The following PPP2R2B variants were observed in gnomAD, a reference collection of about 807,000 sequenced individuals.
The protein encoded by PPP2R2B is serine/threonine-protein phosphatase 2A 55 kDa regulatory subunit B beta isoform.
PPP2R2B carries 5 observed loss-of-function variants against 46.0 expected under a neutral mutation model. The ratio of observed to expected loss-of-function variants is 0.11; its 90% CI spans 0.06 to 0.23. The LOEUF (loss-of-function observed/expected upper bound fraction) is 0.23, where lower values mean the gene tolerates loss of function less well. Among genes scored for constraint, PPP2R2B ranks in the 10% least tolerant of loss-of-function variants. PPP2R2B has a pLI of 1.00. For synonymous variants in PPP2R2B, 215 were observed against 206.7 expected (o/e 1.04, Z -0.34); for missense variants, 367 against 575.0 (o/e 0.64, Z 3.70).
chr5:147,041,517 A>G (rs1304181347), intron 1 of PPP2R2B, among the ~76,000 whole-genome samples: 2 of 152,060 alleles, frequency 1.3e-5, no homozygotes, highest in Non-Finnish European at 2.9e-5. Flanking sequence ...TGAACTAGAC[A>G]TGGAAGGAGG....
At chr5:146,693,481 C>T (rs1779001321) in intron 4 of PPP2R2B, among the ~76,000 whole-genome samples, 1 of 152,172 alleles carries the variant, frequency 6.6e-6, no homozygotes, top group Admixed American at 6.5e-5. Flanking sequence ...TCCCAAAGTG[C>T]TGGGATTACA....
chr5:146,720,312 C>G (rs1294975937), intron 2 of PPP2R2B, among the ~76,000 whole-genome samples: 1 of 152,200 alleles, frequency 6.6e-6, no homozygotes, highest in African/African-American at 2.4e-5. Context: ...GCTGGCCTAA[C>G]CAGTAAGCTG....
chr5:146,860,777 T>G (rs1358998017), intron 2 of PPP2R2B, among the ~76,000 whole-genome samples: 1 of 152,154 alleles, frequency 6.6e-6, no homozygotes, highest in Admixed American at 6.5e-5. Flanking sequence ...TTAGATGAGT[T>G]TTCCATCATT....
chr5:147,051,568 C>T (rs776886657), intron 1 of PPP2R2B, among the ~76,000 whole-genome samples: 18 of 151,954 alleles, frequency 1.2e-4, no homozygotes, highest in South Asian at 2.1e-4. Flanking sequence ...AAGACAATTT[C>T]GGGAAAGGAA....
chr5:146,635,362 A>G (rs1425020995), intron 7 of PPP2R2B, among the ~76,000 whole-genome samples: 6 of 147,554 alleles, frequency 4.1e-5, no homozygotes, highest in African/African-American at 1.5e-4. Flanking sequence ...TTGTGTGTTT[A>G]TTTCATCATC....
intron 7 of PPP2R2B, among the ~76,000 whole-genome samples, chr5:146,608,924 CCTT>C (rs1772569880): frequency 6.6e-6 from 1 of 152,162 alleles, no homozygotes; most frequent in Admixed American, 6.5e-5. Flanking sequence ...CTTCCAAACT[CCTT>C]CTATGAGGCC....
intron 1 of PPP2R2B, among the ~76,000 whole-genome samples, chr5:147,041,767 C>T (rs180841962): frequency 1.3e-5 from 2 of 152,076 alleles, no homozygotes; most frequent in African/African-American, 4.8e-5. Flanking sequence ...ATTTGTTTAA[C>T]CCTTTTCTAC....
intron 1 of PPP2R2B, among the ~76,000 whole-genome samples, chr5:146,888,324 AC>A (rs1360372093): frequency 2.0e-5 from 3 of 151,556 alleles, no homozygotes; most frequent in Non-Finnish European, 2.9e-5. Context: ...ACCCTGCCCC[AC>A]CCTCCTGTTC....
chr5:146,906,761 G>C (rs496192), intron 1 of PPP2R2B, among the ~76,000 whole-genome samples: 31,933 of 151,922 alleles, frequency 0.21, 4,416 homozygotes, highest in African/African-American at 0.38. Context: ...TATGTACCTG[G>C]CTCACCTTAT....
chr5:146,775,967 A>G (rs906296124), intron 2 of PPP2R2B, among the ~76,000 whole-genome samples: 1 of 152,174 alleles, frequency 6.6e-6, no homozygotes, highest in Non-Finnish European at 1.5e-5. Context: ...CATTGCTTAA[A>G]GAAATGCAAG....
chr5:147,006,057 G>A (rs1051628904), intron 1 of PPP2R2B, among the ~76,000 whole-genome samples: 4 of 152,104 alleles, frequency 2.6e-5, no homozygotes, highest in African/African-American at 9.7e-5. Context: ...CTAACAGGGG[G>A]ATCTAAATCT....
At chr5:147,060,039 A>G (rs1351044694), upstream of PPP2R2B, among the ~76,000 whole-genome samples, 2 of 151,498 alleles carry the variant, frequency 1.3e-5, no homozygotes, top group African/African-American at 2.4e-5. Context: ...AAATCCCAGG[A>G]AAAAAAAATT....
chr5:146,860,341 C>G (rs902256422), intron 2 of PPP2R2B, among the ~76,000 whole-genome samples: 2 of 152,130 alleles, frequency 1.3e-5, no homozygotes, highest in African/African-American at 4.8e-5. Flanking sequence ...GGCTCTAGAC[C>G]ATCTTACCCA....
intron 1 of PPP2R2B, among the ~76,000 whole-genome samples, chr5:147,042,451 T>G (rs1205086141): frequency 6.6e-6 from 1 of 152,170 alleles, no homozygotes; most frequent in Non-Finnish European, 1.5e-5. Context: ...GATTTTTGGT[T>G]ACTGAGTACA....
intron 2 of PPP2R2B, among the ~76,000 whole-genome samples, chr5:146,704,139 A>G (rs1030888810): frequency 2.6e-5 from 4 of 152,192 alleles, no homozygotes; most frequent in Admixed American, 1.3e-4. Context: ...ATCTCTGCAT[A>G]TCTTCATCTA....
intron 7 of PPP2R2B, among the ~76,000 whole-genome samples, chr5:146,633,166 G>A (rs1367624613): frequency 2.0e-5 from 3 of 152,182 alleles, no homozygotes; most frequent in Non-Finnish European, 4.4e-5. Flanking sequence ...GGGAGAAAAG[G>A]AATCATCCTT....
chr5:146,839,714 A>C (rs1759513360), intron 2 of PPP2R2B, among the ~76,000 whole-genome samples: 1 of 152,212 alleles, frequency 6.6e-6, no homozygotes, highest in Non-Finnish European at 1.5e-5. Context: ...TCAGCTTTAC[A>C]TTACAAACAA....
intron 2 of PPP2R2B, among the ~76,000 whole-genome samples, chr5:146,852,378 C>G (rs1760400052): frequency 6.6e-6 from 1 of 152,106 alleles, no homozygotes; most frequent in Non-Finnish European, 1.5e-5. Flanking sequence ...AGCCTGATTA[C>G]AGGTCATTAG....
At chr5:146,711,580 A>G (rs1023008799) in intron 2 of PPP2R2B, among the ~76,000 whole-genome samples, 5 of 152,114 alleles carry the variant, frequency 3.3e-5, no homozygotes, top group Non-Finnish European at 7.4e-5. Flanking sequence ...GGGTTGGGGG[A>G]GAGAGGATGT....
Sources: allele counts gnomAD v4.1 joint callset (sites outside exome capture counted in the v4.1 genomes callset), GRCh38; gene constraint gnomAD v4.1.1; transcripts MANE v1.5; gene names NCBI Gene and HGNC (gene_info 2026-07-23, HGNC 2026-07-21).